PARD3: variants seen among roughly 807,000 people sequenced by gnomAD.
PARD3 encodes the protein partitioning defective 3 homolog.
In PARD3, 75 loss-of-function variants were observed where a neutral mutation model predicts 155.4. The observed-to-expected ratio is 0.48, with a 90% CI of 0.40 to 0.58. The LOEUF (loss-of-function observed/expected upper bound fraction) is 0.58, where lower values mean the gene tolerates loss of function less well. PARD3 is among the 20% of genes least tolerant of loss of function. The pLI is 0.00. For missense variants in PARD3, 1,642 were observed against 1,721.7 expected, an observed-to-expected ratio of 0.95 and a Z score of 0.82; for synonymous variants, 576 against 610.5, an observed-to-expected ratio of 0.94 and a Z score of 0.83.
chr10:34,284,076 G>T, intron 21 of PARD3, 59 bp downstream of exon 21: 1 of 944,632 alleles, frequency 1.1e-6, no homozygotes, highest in African/African-American at 1.8e-5. Flanking sequence ...GAAGAAAGTA[G>T]AAAGAAAAAA....
intron 3 of PARD3, among the ~76,000 whole-genome samples, chr10:34,490,685 C>T (rs1424113934): frequency 6.6e-6 from 1 of 152,178 alleles, no homozygotes; most frequent in East Asian, 1.9e-4. Context: ...TCAGTACAGA[C>T]TAACTCTTTC....
intron 14 of PARD3, among the ~76,000 whole-genome samples, chr10:34,354,682 C>G (rs1490339302): frequency 1.3e-5 from 2 of 151,956 alleles, no homozygotes; most frequent in African/African-American, 4.8e-5. Flanking sequence ...AAGTGGAAGA[C>G]CTAGAGGTGT....
intron 1 of PARD3, among the ~76,000 whole-genome samples, chr10:34,734,890 T>C (rs2094884615): frequency 6.6e-6 from 1 of 151,932 alleles, no homozygotes; most frequent in South Asian, 2.1e-4. Context: ...CAAAGTATGG[T>C]ATATGCCATT....
At chr10:34,705,005 T>C (rs1191143489) in intron 1 of PARD3, among the ~76,000 whole-genome samples, 1 of 152,212 alleles carries the variant, frequency 6.6e-6, no homozygotes, top group East Asian at 1.9e-4. Flanking sequence ...TATGCTTCTC[T>C]CTAGATTCTC....
chr10:34,642,049 T>A (rs1014981056), intron 2 of PARD3, among the ~76,000 whole-genome samples: 1 of 151,962 alleles, frequency 6.6e-6, no homozygotes, highest in Non-Finnish European at 1.5e-5. Context: ...CGGGGGCACA[T>A]CACCCCTGCG....
intron 20 of PARD3, among the ~76,000 whole-genome samples, chr10:34,299,132 A>T (rs1957041284): frequency 6.6e-6 from 1 of 152,202 alleles, no homozygotes; most frequent in South Asian, 2.1e-4. Flanking sequence ...TCAGGATGGC[A>T]CCCTCAAAGC....
chr10:34,125,071 C>CTTTTTTTT (rs71523316), intron 23 of PARD3, among the ~76,000 whole-genome samples: 3 of 140,636 alleles, frequency 2.1e-5, no homozygotes, highest in African/African-American at 8.4e-5. Context: ...CTATTTCTTT[C>CTTTTTTTT]TTTTTTTTTT....
intron 2 of PARD3, among the ~76,000 whole-genome samples, chr10:34,589,729 C>T (rs2088486429): frequency 9.7e-6 from 1 of 103,374 alleles, no homozygotes; most frequent in Non-Finnish European, 1.7e-5. Flanking sequence ...CTTGTTAATC[C>T]TGAATTCACA....
chr10:34,327,136 G>C (rs1431956914), intron 19 of PARD3, among the ~76,000 whole-genome samples: 1 of 152,184 alleles, frequency 6.6e-6, no homozygotes, highest in Non-Finnish European at 1.5e-5. Flanking sequence ...TTATCATGGG[G>C]AGGAGAAGTC....
intron 3 of PARD3, among the ~76,000 whole-genome samples, chr10:34,496,466 T>C (rs764135433): frequency 1.3e-5 from 2 of 152,158 alleles, no homozygotes; most frequent in Non-Finnish European, 2.9e-5. Flanking sequence ...AACCACACTG[T>C]CCCCATCTGC....
intron 2 of PARD3, among the ~76,000 whole-genome samples, chr10:34,519,842 T>TAACATAACATAACATAACATA (rs2082023736): frequency 1.3e-5 from 2 of 150,108 alleles, no homozygotes; most frequent in African/African-American, 4.9e-5. Flanking sequence ...TAACATAACA[T>TAACATAACATAACATAACATA]AACATAACAT....
At chr10:34,726,857 C>G (rs1361863284) in intron 1 of PARD3, among the ~76,000 whole-genome samples, 1 of 152,172 alleles carries the variant, frequency 6.6e-6, no homozygotes, top group Non-Finnish European at 1.5e-5. Context: ...TTTCTCCTTT[C>G]TGAGCACAGA....
intron 1 of PARD3, among the ~76,000 whole-genome samples, chr10:34,759,885 C>T (rs143082327): frequency 1.5e-4 from 23 of 152,316 alleles, no homozygotes; most frequent in Non-Finnish European, 2.6e-4. Context: ...CATACTGCTG[C>T]GCTTTCTGAT....
chr10:34,339,223 A>G lies in PARD3; in HGVS notation c.2409-1797T>C, dbSNP rs138309942. The stretch of plus-strand genomic sequence containing the variant: ...ACCAATTCTTTTTACCTCTTCTAGA[A>G]TAATTTAAAACTTCAACTCCCTACT... On this transcript the variant is annotated intron_variant, in intron 16 of 24. Transcript: ENST00000374788. Among the ~76,000 whole-genome samples the G allele has an allele frequency of 2.6e-4, 40 of 152,284 alleles. No individual in the cohort carries two copies. The East Asian group carries it at 7.7e-3, about 29-fold the overall frequency.
intron 2 of PARD3, among the ~76,000 whole-genome samples, chr10:34,628,450 G>A (rs1292288510): frequency 6.6e-6 from 1 of 152,238 alleles, no homozygotes; most frequent in Non-Finnish European, 1.5e-5. Flanking sequence ...CACAGAGTAT[G>A]GATTTTAGGC....
intron 22 of PARD3, among the ~76,000 whole-genome samples, chr10:34,230,641 C>T (rs556620288): frequency 3.7e-4 from 57 of 152,174 alleles, no homozygotes; most frequent in Middle Eastern, 3.4e-3. Flanking sequence ...AAACCAACCA[C>T]CAGGAAAGCT....
At chr10:34,514,544 T>A (rs987608954) in intron 3 of PARD3, among the ~76,000 whole-genome samples, 3 of 152,176 alleles carry the variant, frequency 2.0e-5, no homozygotes, top group African/African-American at 7.2e-5. Flanking sequence ...CTGTGTATAG[T>A]AGATGCTTAA....
At chr10:34,663,942 G>A (rs1590490727) in intron 2 of PARD3, 1 of 152,224 alleles carries the variant, frequency 6.6e-6, no homozygotes, top group South Asian at 2.1e-4. Flanking sequence ...ACAATGTTTA[G>A]GCGCCTCATT....
chr10:34,165,117 T>C (rs1588986636), intron 22 of PARD3, among the ~76,000 whole-genome samples: 2 of 152,174 alleles, frequency 1.3e-5, no homozygotes, highest in African/African-American at 4.8e-5. Flanking sequence ...TAATTTCAAC[T>C]AATTTCTCTT....
Sources: allele counts gnomAD v4.1 joint callset (sites outside exome capture counted in the v4.1 genomes callset), GRCh38; gene constraint gnomAD v4.1.1; transcripts MANE v1.5; gene names NCBI Gene and HGNC (gene_info 2026-07-23, HGNC 2026-07-21).